The following CNN3 variants were observed in gnomAD, a reference collection of about 807,000 sequenced individuals.
CNN3 encodes calponin-3.
In CNN3, 11 loss-of-function variants were observed where a neutral mutation model predicts 39.0. The ratio of observed to expected loss-of-function variants is 0.28; its 90% CI spans 0.18 to 0.47. The LOEUF (loss-of-function observed/expected upper bound fraction) is 0.47. CNN3 is among the 20% of genes least tolerant of loss of function. The pLI is 0.99. For synonymous variants in CNN3, 101 were observed against 138.3 expected (o/e 0.73, Z 1.89); for missense variants, 266 against 403.4 (o/e 0.66, Z 2.92).
intron 6 of CNN3, among the ~76,000 whole-genome samples, chr1:94,898,995 C>T (rs1670793077): frequency 6.6e-6 from 1 of 151,884 alleles, no homozygotes; most frequent in Non-Finnish European, 1.5e-5. Flanking sequence ...AATAGGAATG[C>T]TAGTTAAATC....
chr1:94,903,122 C>A lies in CNN3; in HGVS notation c.246G>T (p.Gln82His). 1.3e-6 allele frequency: 2 copies of A among 1,590,042 alleles called. No homozygotes were observed. Among genetic ancestry groups the A allele is most frequent in the South Asian group, 1.1e-5 (1 of 88,290 alleles). The change falls in exon 3 of 7, where the codon CAG (glutamine) becomes CAT (histidine). Residue 82 changes from glutamine to histidine, a missense_variant and splice_region_variant. By Grantham distance (24) the Gln-to-His change is conservative. Coordinates refer to ENST00000370206, the MANE Select transcript of CNN3 (RefSeq NM_001839.5). ...KVNESSLNWP[Q>H]LENIGNFIKA... is the part of the protein sequence containing the mutation. ...CAGAGGTGGTTGGTTTGGCTGTTAC[C>A]TGAGGCCAGTTCAGTGAGGACTCGT...
In CNN3 at chr1:94,905,831, G is replaced by C. The variant is rs1670983128; in HGVS notation, c.58-2307C>G. Reference sequence around the variant, plus strand: ...CCGCATCAGCCTCCCAAAGTGCTGAGATTACAGGCATGAGCCACCACCCCC... The same window carrying C: ...CCGCATCAGCCTCCCAAAGTGCTGACATTACAGGCATGAGCCACCACCCCC... On this transcript the variant is annotated intron_variant, in intron 1 of 6. Transcript: ENST00000370206. 1.3e-5 allele frequency among the ~76,000 whole-genome samples: 2 copies of C among 152,036 alleles called. 1 individual carries two copies. Among genetic ancestry groups the C allele is most frequent in the South Asian group, 4.1e-4 (2 of 4,820 alleles).
Position 94,897,893 on chromosome 1 carries a change from A to G in CNN3, c.839T>C (p.Val280Ala). ...PKYCAAPTEP[V>A]IHNGSQGTGT... ...TGTTCCTTGGCTTCCGTTGTGAATG[A>G]CAGGTTCTGTAGGAGCAGCACAGTA... The change falls in exon 7 of 7, where the codon GTC becomes GCC. Residue 280 changes from valine to alanine, a missense_variant. Transcript: ENST00000370206. The G allele has an allele frequency of 1.2e-6, 2 of 1,614,142 alleles. No individual in the cohort carries two copies. Among genetic ancestry groups the G allele is most frequent in the Non-Finnish European group, 1.7e-6 (2 of 1,180,008 alleles).
At chr1:94,923,916 A>G (rs1671511578) in intron 1 of CNN3, among the ~76,000 whole-genome samples, 1 of 152,146 alleles carries the variant, frequency 6.6e-6, no homozygotes, top group Admixed American at 6.5e-5. Context: ...AAGCTAGGAG[A>G]GAGATGTCAA....
At chr1:94,900,744 C>T (rs1670840254) in intron 5 of CNN3, among the ~76,000 whole-genome samples, 2 of 152,010 alleles carry the variant, frequency 1.3e-5, no homozygotes, top group African/African-American at 4.8e-5. Context: ...GTTTCCATGA[C>T]CAGTGAAGAG....
chr1:94,908,999 T>A lies in CNN3; in HGVS notation c.58-5475A>T, dbSNP rs61772602. Reference sequence around the variant, plus strand: ...CTCTTTAAAAAAAAAAAAAAAAAAATAGGCCAGGTGGGTGGCTCATGCCTG... The same window carrying A: ...CTCTTTAAAAAAAAAAAAAAAAAAAAAGGCCAGGTGGGTGGCTCATGCCTG... On this transcript the variant is annotated intron_variant, in intron 1 of 6. Transcript: ENST00000370206. Among the ~76,000 whole-genome samples, 256 of 88,470 alleles carry A rather than the reference T, an allele frequency of 2.9e-3. 6 individuals carry two copies. Among genetic ancestry groups the A allele is most frequent in the Middle Eastern group, 6.7e-3 (1 of 150 alleles). 58.0% of individuals were successfully genotyped at this position (88,470 alleles called of 152,430 possible).
chr1:94,910,796 G>A (rs185630932), intron 1 of CNN3, among the ~76,000 whole-genome samples: 192 of 152,216 alleles, frequency 1.3e-3, no homozygotes, highest in African/African-American at 3.9e-3. Flanking sequence ...CAGCATGCAC[G>A]CCCTCCAATT....
intron 1 of CNN3, among the ~76,000 whole-genome samples, chr1:94,906,510 A>G (rs1030457222): frequency 6.6e-6 from 1 of 152,132 alleles, no homozygotes; most frequent in Non-Finnish European, 1.5e-5. Context: ...ACTAGGAGAT[A>G]TATTTTGATC....
chr1:94,919,471 T>C (rs1340854396), intron 1 of CNN3, among the ~76,000 whole-genome samples: 3 of 152,220 alleles, frequency 2.0e-5, no homozygotes, highest in Non-Finnish European at 4.4e-5. Context: ...ATGGTATTGA[T>C]TGTTTTCTCT....
At chr1:94,918,755 A>G (rs947419975) in intron 1 of CNN3, among the ~76,000 whole-genome samples, 1 of 151,940 alleles carries the variant, frequency 6.6e-6, no homozygotes, top group African/African-American at 2.4e-5. Flanking sequence ...TTAGCTGGGC[A>G]TGGTGGTGCG....
At chr1:94,908,732 G>A (rs926400465) in intron 1 of CNN3, among the ~76,000 whole-genome samples, 1 of 151,978 alleles carries the variant, frequency 6.6e-6, no homozygotes, top group Non-Finnish European at 1.5e-5. Flanking sequence ...GTAGAGATGG[G>A]GTTTCGCCAT....
chr1:94,905,675 T>G (rs1444053552), intron 1 of CNN3, among the ~76,000 whole-genome samples: 1 of 152,246 alleles, frequency 6.6e-6, no homozygotes, highest in Non-Finnish European at 1.5e-5. Flanking sequence ...GTTTATATTT[T>G]CATATTAAGA....
chr1:94,898,051 G>A lies in CNN3; in HGVS notation c.681C>T (p.Asp227=). ...GTAATGTTAGCTTCTGATCATAGATGTCTCTTCTGGTACCTGGTGCTAACA... is the reference window on the plus strand; with the variant it reads ...GTAATGTTAGCTTCTGATCATAGATATCTCTTCTGGTACCTGGTGCTAACA... The part of the protein sequence containing the change: ...AGMLAPGTRR[D]IYDQKLTLQP... The change falls in exon 7 of 7, where the codon GAC becomes GAT. Residue 227 remains aspartate (D), a synonymous_variant. Transcript: ENST00000370206. The A allele has an allele frequency of 1.9e-6, 3 of 1,613,986 alleles. No homozygotes were observed. The highest frequency in any genetic ancestry group is 1.1e-5 in the South Asian group (1 of 91,074).
chr1:94,901,706 C>T lies in CNN3; in HGVS notation c.464G>A (p.Gly155Glu), dbSNP rs1044146998. 1 of 1,614,030 alleles carries T rather than the reference C, an allele frequency of 6.2e-7. No individual in the cohort carries two copies. Among genetic ancestry groups the T allele is most frequent in the African/African-American group, 1.3e-5 (1 of 75,022 alleles). Reference protein sequence around the residue: ...AEKQTRRFDEGKLKAGQSVIG... With the variant: ...AEKQTRRFDEEKLKAGQSVIG... ...TACACTTTGGCCAGCTTTTAATTTT[C>T]CTTCATCAAAACGTCTTGTTTGTTT... Residue 155 changes from glycine (G) to glutamate (E), a missense_variant, in exon 5 of 7, where the codon GGA becomes GAA. Physicochemically the swap from Gly to Glu is moderately conservative, Grantham distance 98 (BLOSUM62 -2). Coordinates refer to ENST00000370206, the MANE Select transcript of CNN3 (RefSeq NM_001839.5).
At chr1:94,908,425 C>G (rs1045225476) in intron 1 of CNN3, among the ~76,000 whole-genome samples, 2 of 152,222 alleles carry the variant, frequency 1.3e-5, no homozygotes, top group African/African-American at 4.8e-5. Flanking sequence ...CAGCTAAGAG[C>G]ACCAGTGTGG....
At chr1:94,900,404 T>G (rs1451269811) in intron 5 of CNN3, among the ~76,000 whole-genome samples, 1 of 152,224 alleles carries the variant, frequency 6.6e-6, no homozygotes, top group East Asian at 1.9e-4. Context: ...TGCACATATA[T>G]ACAAATACAT....
chr1:94,897,885 T>G lies in CNN3; in HGVS notation c.847A>C (p.Asn283His). The G allele has an allele frequency of 1.2e-6, 2 of 1,614,182 alleles. No homozygotes were observed. The highest frequency in any genetic ancestry group is 1.7e-6 in the Non-Finnish European group (2 of 1,180,016). The change falls in exon 7 of 7, where the codon AAC (asparagine) becomes CAC (histidine). Residue 283 changes from asparagine to histidine, a missense_variant. By Grantham distance (68) the Asn-to-His change is moderately conservative. Coordinates refer to ENST00000370206, the MANE Select transcript of CNN3 (RefSeq NM_001839.5). ...TTTGTTCCTGTTCCTTGGCTTCCGT[T>G]GTGAATGACAGGTTCTGTAGGAGCA... ...CAAPTEPVIH[N>H]GSQGTGTNGS...
At chr1:94,909,871 A>T (rs1304116514) in intron 1 of CNN3, among the ~76,000 whole-genome samples, 1 of 152,136 alleles carries the variant, frequency 6.6e-6, no homozygotes, top group African/African-American at 2.4e-5. Flanking sequence ...CATTTGAAAA[A>T]AAGATGGGGG....
chr1:94,923,380 G>T (rs958694410), intron 1 of CNN3, among the ~76,000 whole-genome samples: 1 of 151,774 alleles, frequency 6.6e-6, no homozygotes, highest in African/African-American at 2.4e-5. Context: ...CATTTTCCCT[G>T]GCCCTTTTAC....
Sources: gnomAD v4.1 joint callset for allele counts (sites outside exome capture counted in the v4.1 genomes callset) on GRCh38, gnomAD v4.1.1 for gene constraint, MANE v1.5 for transcripts, NCBI Gene and HGNC (gene_info 2026-07-23, HGNC 2026-07-21) for gene names.